Variants in RELN observed in about 807,000 individuals in gnomAD.
The protein encoded by RELN is reelin.
Under a neutral mutation model 427.6 loss-of-function variants are expected in RELN, and 108 were observed. The observed-to-expected ratio is 0.25, with a 90% CI of 0.22 to 0.30. The LOEUF is 0.30. Ranked by LOEUF, RELN falls within the 10% of genes least tolerant of loss-of-function variation. RELN has a pLI of 1.00. For missense variants in RELN, 3,715 were observed against 4,302.8 expected (o/e 0.86, Z 3.82); for synonymous variants, 1,524 against 1,513.4 (o/e 1.01, Z -0.16).
intron 16 of RELN, among the ~76,000 whole-genome samples, chr7:103,641,623 C>A (rs1186588871): frequency 6.6e-6 from 1 of 152,136 alleles, no homozygotes; most frequent in Admixed American, 6.6e-5. Flanking sequence ...CCTCAATATT[C>A]CTATTCCTTA....
intron 1 of RELN, among the ~76,000 whole-genome samples, chr7:103,942,234 A>G (rs549914791): frequency 6.6e-6 from 1 of 152,160 alleles, no homozygotes; most frequent in South Asian, 2.1e-4. Flanking sequence ...TGTATAGTAG[A>G]TCTCCAGAAT....
In RELN at chr7:103,589,720, C is replaced by A; in HGVS notation, c.4021G>T (p.Ala1341Ser). The part of the protein sequence containing the change: ...WFLVKEGCYP[A>S]SAGKGCEGNS... Reference sequence around the variant, plus strand: ...CCTTCGCATCCTTTGCCTGCAGAAGCCGGGTAACAGCCTTCTTTCACCAGA... The same window carrying A: ...CCTTCGCATCCTTTGCCTGCAGAAGACGGGTAACAGCCTTCTTTCACCAGA... Residue 1341 changes from alanine (A) to serine (S), a missense_variant, in exon 28 of 65, where the codon GCT becomes TCT. Physicochemically the swap from Ala to Ser is moderately conservative, Grantham distance 99. This residue lies in a region of RELN where 2,208 missense variants were observed against 2,361.7 expected (regional missense o/e 0.93). Transcript: ENST00000428762. 6.2e-7 allele frequency: 1 copy of A among 1,613,572 alleles called. No individual in the cohort carries two copies. Among genetic ancestry groups the A allele is most frequent in the South Asian group, 1.1e-5 (1 of 91,078 alleles).
chr7:103,508,849 T>C (rs1322060279), intron 51 of RELN, among the ~76,000 whole-genome samples: 1 of 148,654 alleles, frequency 6.7e-6, no homozygotes, highest in Non-Finnish European at 1.5e-5. Flanking sequence ...CAAGCATTTC[T>C]GTACACCAAT....
intron 3 of RELN, among the ~76,000 whole-genome samples, chr7:103,782,874 G>A (rs1791927476): frequency 6.6e-6 from 1 of 152,088 alleles, no homozygotes; most frequent in Admixed American, 6.6e-5. Flanking sequence ...CCAGGGGTGG[G>A]TTGCTTTTTC....
At chr7:103,710,034 T>C (rs956643606) in intron 8 of RELN, among the ~76,000 whole-genome samples, 2 of 152,218 alleles carry the variant, frequency 1.3e-5, no homozygotes, top group Non-Finnish European at 2.9e-5. Flanking sequence ...TGTGAACGTA[T>C]ATTTATCAAT....
chr7:103,970,629 T>C (rs1167601140), intron 1 of RELN, among the ~76,000 whole-genome samples: 1 of 152,214 alleles, frequency 6.6e-6, no homozygotes, highest in African/African-American at 2.4e-5. Flanking sequence ...ATAAGTTACA[T>C]TGCCTTTGGT....
chr7:103,581,420 T>C (rs540902026), intron 28 of RELN, among the ~76,000 whole-genome samples: 34 of 152,252 alleles, frequency 2.2e-4, no homozygotes, highest in African/African-American at 8.2e-4. Context: ...GGTCTAGAGA[T>C]CAAGGACCCA....
At chr7:103,833,365 C>T (rs546367810) in intron 3 of RELN, among the ~76,000 whole-genome samples, 172 bp downstream of exon 3, 7 of 152,276 alleles carry the variant, frequency 4.6e-5, no homozygotes, top group South Asian at 4.1e-4. Context: ...AAATAAACTG[C>T]TAAATTTACT....
intron 3 of RELN, among the ~76,000 whole-genome samples, chr7:103,821,271 G>C (rs754574120): frequency 4.6e-5 from 7 of 152,140 alleles, no homozygotes; most frequent in Non-Finnish European, 7.4e-5. Flanking sequence ...TCCTTCGGCA[G>C]GAAGCCTGTC....
At chr7:103,755,268 A>G (rs1791105767) in intron 4 of RELN, among the ~76,000 whole-genome samples, 1 of 152,008 alleles carries the variant, frequency 6.6e-6, no homozygotes, top group Non-Finnish European at 1.5e-5. Context: ...GGAGATCGAG[A>G]CCATCCTGGC....
chr7:103,989,191 G>T lies in RELN; in HGVS notation c.166C>A (p.Leu56Ile). The change falls in exon 1 of 65, where the codon CTC (leucine) becomes ATC (isoleucine). Residue 56 changes from leucine (L) to isoleucine (I), a missense_variant. This residue lies in a region of RELN where 2,208 missense variants were observed against 2,361.7 expected (regional missense o/e 0.93). Transcript: ENST00000428762. This position sits in a 1 kb window ranked among gnomAD's most constrained non-coding sequence, Gnocchi z 4.9. ...TTGCCCGCAATATGCAGGGAAATGAGCACCTCGCCCTGCTCCCCATCCCCT... is the reference window on the plus strand; with the variant it reads ...TTGCCCGCAATATGCAGGGAAATGATCACCTCGCCCTGCTCCCCATCCCCT... The part of the protein sequence containing the change: ...LEGDGEQGEV[L>I]ISLHIAGNPT... 6.2e-7 allele frequency: 1 copy of T among 1,614,144 alleles called. No homozygotes were observed. Among genetic ancestry groups the T allele is most frequent in the Non-Finnish European group, 8.5e-7 (1 of 1,180,000 alleles).
chr7:103,636,896 C>T (rs1001567635), intron 17 of RELN, among the ~76,000 whole-genome samples: 6 of 152,070 alleles, frequency 3.9e-5, no homozygotes, highest in South Asian at 4.2e-4. Context: ...ATGTTATGTT[C>T]GTGATAGGAA....
chr7:103,814,024 T>C (rs568982138), intron 3 of RELN, among the ~76,000 whole-genome samples: 1 of 152,314 alleles, frequency 6.6e-6, no homozygotes, highest in African/African-American at 2.4e-5. Context: ...TTTACATATA[T>C]AGTAGTAATC....
rs1832417858 is a variant in RELN at position 103,630,075 on chromosome 7, A to G, written c.2567T>C (p.Ile856Thr). Residue 856 changes from isoleucine to threonine, a missense_variant, in exon 20 of 65, where the codon ATT becomes ACT. Physicochemically the swap from Ile to Thr is moderately conservative, Grantham distance 89. Around this residue, in one of 4 missense-constraint regions of RELN, gnomAD observed 2,208 missense variants for 2,361.7 expected, o/e 0.93. Transcript: ENST00000428762. The stretch of plus-strand genomic sequence containing the variant: ...CACAGATGTCATGATAATCTCATCA[A>G]TAGCCCATACATCTTCTCTCTGGGA... Reference protein sequence around the residue: ...HSSQREDVWAIDEIIMTSVLF... With the variant: ...HSSQREDVWATDEIIMTSVLF... 6.2e-7 allele frequency: 1 copy of G among 1,613,368 alleles called. No homozygotes were observed. The highest frequency in any genetic ancestry group is 8.5e-7 in the Non-Finnish European group (1 of 1,179,438).
intron 53 of RELN, among the ~76,000 whole-genome samples, chr7:103,498,738 C>T (rs1053671740): frequency 6.6e-6 from 1 of 152,068 alleles, no homozygotes; most frequent in Admixed American, 6.5e-5. Flanking sequence ...GTGATCTGCC[C>T]ACCTCCGCCT....
intron 9 of RELN, among the ~76,000 whole-genome samples, chr7:103,698,395 C>G (rs1295114832): frequency 6.6e-6 from 1 of 152,178 alleles, no homozygotes; most frequent in Non-Finnish European, 1.5e-5. Context: ...ATGGCACACA[C>G]TGCTATGGCT....
At chr7:103,857,085 T>A (rs1793965111) in intron 2 of RELN, among the ~76,000 whole-genome samples, 1 of 152,114 alleles carries the variant, frequency 6.6e-6, no homozygotes, top group South Asian at 2.1e-4. Flanking sequence ...CCAACTCAAT[T>A]AACTGCATTA....
At chr7:103,731,912 A>G (rs1790364440) in intron 6 of RELN, among the ~76,000 whole-genome samples, 1 of 152,146 alleles carries the variant, frequency 6.6e-6, no homozygotes, top group Non-Finnish European at 1.5e-5. Flanking sequence ...AAAATTATTA[A>G]TTACAATGTT....
intron 2 of RELN, among the ~76,000 whole-genome samples, chr7:103,883,783 G>A (rs1794662153): frequency 1.3e-5 from 2 of 152,122 alleles, no homozygotes; most frequent in South Asian, 4.1e-4. Flanking sequence ...GAATAAGAGA[G>A]GACACAAACA....
Sources: allele counts gnomAD v4.1 joint callset (sites outside exome capture counted in the v4.1 genomes callset), GRCh38; gene constraint gnomAD v4.1.1; regional missense constraint gnomAD v4.1.1; non-coding constraint Gnocchi (gnomAD v3.1); transcripts MANE v1.5; gene names NCBI Gene and HGNC (gene_info 2026-07-23, HGNC 2026-07-21).